Variants in FCRL1 observed in about 807,000 individuals in gnomAD.
The protein encoded by FCRL1 is Fc receptor like 1, also known as Fc receptor-like protein 1.
Under a neutral mutation model 49.2 loss-of-function variants are expected in FCRL1, and 34 were observed. That is an observed-to-expected ratio of 0.69 (90% CI 0.53 to 0.92). The LOEUF (loss-of-function observed/expected upper bound fraction) is 0.92, where lower values mean the gene tolerates loss of function less well. Ranked by LOEUF, FCRL1 falls within the 40% of genes least tolerant of loss-of-function variation. The probability of loss-of-function intolerance (pLI) is 0.00; values close to 1 mark genes in which losing one functional copy is unlikely to be tolerated. For missense variants in FCRL1, 524 were observed against 524.1 expected, an observed-to-expected ratio of 1.00 and a Z score of 0.00; for synonymous variants, 218 against 201.6, an observed-to-expected ratio of 1.08 and a Z score of -0.69.
rs1269404910 is a variant in FCRL1, at chr1:157,801,454, T to C, written c.1003+7A>G. 12 of 1,567,428 alleles carry C rather than the reference T, an allele frequency of 7.7e-6. No homozygotes were observed. The highest frequency in any genetic ancestry group is 1.1e-5 in the Non-Finnish European group (12 of 1,138,222). On this transcript the variant is annotated splice_region_variant and intron_variant, in intron 6 of 10. Coordinates refer to ENST00000368176, the MANE Select transcript of FCRL1 (RefSeq NM_052938.5). ...GTAACAAAATGCCACTCTCTTTAAA[T>C]ACTAACCTATTTTTCTTTTGAGGCC...
intron 1 of FCRL1, among the ~76,000 whole-genome samples, chr1:157,810,904 A>G (rs555762093): frequency 6.6e-6 from 1 of 152,154 alleles, no homozygotes; most frequent in Non-Finnish European, 1.5e-5. Flanking sequence ...CCTCCCAAGT[A>G]GCTGGGACTA....
At chr1:157,796,878 G>A (rs1294134604) in intron 10 of FCRL1, among the ~76,000 whole-genome samples, 1 of 152,288 alleles carries the variant, frequency 6.6e-6, no homozygotes. Flanking sequence ...TCATTCATGT[G>A]TCCATTGCTA....
intron 1 of FCRL1, among the ~76,000 whole-genome samples, chr1:157,808,981 T>TA (rs1385883636): frequency 2.6e-5 from 4 of 152,190 alleles, no homozygotes; most frequent in Non-Finnish European, 5.9e-5. Context: ...TTAAGTTTTG[T>TA]GGTGGTGGTA....
At chr1:157,806,023 A>C (rs1045908363) in intron 2 of FCRL1, among the ~76,000 whole-genome samples, 2 of 152,216 alleles carry the variant, frequency 1.3e-5, no homozygotes, top group African/African-American at 4.8e-5. Flanking sequence ...TACAGCTCAG[A>C]GCTTGTTTCA....
chr1:157,804,064 C>T lies in FCRL1; in HGVS notation c.100G>A (p.Val34Met). 6.2e-7 allele frequency: 1 copy of T among 1,614,216 alleles called. No homozygotes were observed. The highest frequency in any genetic ancestry group is 8.5e-7 in the Non-Finnish European group (1 of 1,180,036). ...AAGGGCATCTTACACGTCAGGGTCA[C>T]TGGGCTCCCCTCTGTGGGATGGGAG... ...SPSHPTEGSP[V>M]TLTCKMPFLQ... The change falls in exon 3 of 11, where the codon GTG becomes ATG. Residue 34 changes from valine (V) to methionine (M), a missense_variant. Val to Met is a conservative substitution (Grantham distance 21). Transcript: ENST00000368176.
chr1:157,813,383 T>C (rs1654599912), intron 1 of FCRL1, among the ~76,000 whole-genome samples: 1 of 152,196 alleles, frequency 6.6e-6, no homozygotes, highest in South Asian at 2.1e-4. Context: ...ACAGGAAATT[T>C]GAAAACATAT....
chr1:157,813,212 GAAAACAT>G (rs1312889283), intron 1 of FCRL1, among the ~76,000 whole-genome samples: 1 of 152,086 alleles, frequency 6.6e-6, no homozygotes, highest in Non-Finnish European at 1.5e-5. Flanking sequence ...GAAAAAGCGA[GAAAACAT>G]GACACCAATA....
chr1:157,797,115 G>C lies in FCRL1; in HGVS notation c.1204C>G (p.His402Asp). ...ESVAAETLGTHMEDKVSLDIY... is the reference protein window; with the variant it reads ...ESVAAETLGTDMEDKVSLDIY... ...GAGACTCTTACCTTGTCCTCCATAT[G>C]TGTCCCCAGGGTTTCTGCTGTGGAG... The change falls in exon 10 of 11, where the codon CAT (histidine) becomes GAT (aspartate). Residue 402 changes from histidine (H) to aspartate (D), a missense_variant. Physicochemically the swap from His to Asp is moderately conservative, Grantham distance 81 (BLOSUM62 -1). Transcript: ENST00000368176. 1 of 1,613,970 alleles carries C rather than the reference G, an allele frequency of 6.2e-7. No homozygotes were observed. Among genetic ancestry groups the C allele is most frequent in the South Asian group, 1.1e-5 (1 of 91,084 alleles).
At chr1:157,799,246 C>T (rs555871385) in intron 7 of FCRL1, among the ~76,000 whole-genome samples, 2 of 152,196 alleles carry the variant, frequency 1.3e-5, no homozygotes, top group South Asian at 2.1e-4. Flanking sequence ...GTGATCTGCC[C>T]GCCTCAGCCT....
chr1:157,801,361 C>G, intron 6 of FCRL1, 100 bp downstream of exon 6: 1 of 790,338 alleles, frequency 1.3e-6, no homozygotes, highest in Non-Finnish European at 2.2e-6. Context: ...AAGGTGTTAA[C>G]AGCATATACA....
intron 9 of FCRL1, among the ~76,000 whole-genome samples, 191 bp from the exon 10 acceptor site, chr1:157,797,323 G>C (rs1386070740): frequency 6.6e-6 from 1 of 152,160 alleles, no homozygotes; most frequent in Non-Finnish European, 1.5e-5. Flanking sequence ...TGGTAGCCTG[G>C]GGGTGGGAGG....
Position 157,819,989 on chromosome 1 carries a change from C to T in FCRL1, c.31+18G>A. 1 of 1,614,024 alleles carries T rather than the reference C, an allele frequency of 6.2e-7. No homozygotes were observed. On this transcript the variant is annotated intron_variant, in intron 1 of 10. Coordinates refer to ENST00000368176, the MANE Select transcript of FCRL1 (RefSeq NM_052938.5). ...GCATGATTGCATCCCATGCCCTGCTCTGAGTTGCCCAACTCACCACAGATC... is the reference window on the plus strand; with the variant it reads ...GCATGATTGCATCCCATGCCCTGCTTTGAGTTGCCCAACTCACCACAGATC...
At chr1:157,798,285 C>T in intron 7 of FCRL1, 42 bp from the exon 8 acceptor site, 1 of 1,485,880 alleles carries the variant, frequency 6.7e-7, no homozygotes, top group Non-Finnish European at 9.3e-7. Context: ...GAAATTGCAT[C>T]CCAGATCATG....
chr1:157,811,062 G>A (rs1318422732), intron 1 of FCRL1, among the ~76,000 whole-genome samples: 1 of 152,162 alleles, frequency 6.6e-6, no homozygotes, highest in African/African-American at 2.4e-5. Context: ...ATTATAGCAT[G>A]AGCCACCACA....
At chr1:157,800,021 C>G (rs557396486) in intron 7 of FCRL1, 37 bp downstream of exon 7, 1 of 1,574,600 alleles carries the variant, frequency 6.4e-7, no homozygotes, top group Non-Finnish European at 8.6e-7. Flanking sequence ...ATAGATTTTT[C>G]TGCATTATTG....
At chr1:157,819,459 C>T (rs1409730104) in intron 1 of FCRL1, among the ~76,000 whole-genome samples, 2 of 151,904 alleles carry the variant, frequency 1.3e-5, no homozygotes, top group Non-Finnish European at 2.9e-5. Context: ...GAAGTGAGCA[C>T]ATGAAGTGTA....
rs1177282997 is a variant in FCRL1 at position 157,795,561 on chromosome 1, C to T, written c.*538G>A. The T allele has an allele frequency of 1.3e-5, 2 of 152,374 alleles. No homozygotes were observed. The highest frequency in any genetic ancestry group is 6.5e-5 in the Admixed American group (1 of 15,320). 9.4% of individuals were successfully genotyped at this position (152,374 alleles called of 1,614,324 possible). A position where few individuals can be genotyped will look rare whatever the true frequency, so the allele number is the denominator to read the frequency against. ...GGAGTCACAATAACTTTTTATGTAA[C>T]TTTGTTTTAGTTCTAATTTGGTAAC... On this transcript the variant is annotated 3_prime_UTR_variant, in exon 11 of 11. Transcript: ENST00000368176.
At chr1:157,807,579 C>T (rs1382284042) in intron 1 of FCRL1, among the ~76,000 whole-genome samples, 1 of 152,170 alleles carries the variant, frequency 6.6e-6, no homozygotes, top group African/African-American at 2.4e-5. Flanking sequence ...CTCAAGGGAA[C>T]AACAGAGTCA....
At chr1:157,816,259 A>G (rs868086516) in intron 1 of FCRL1, among the ~76,000 whole-genome samples, 60 of 152,008 alleles carry the variant, frequency 3.9e-4, no homozygotes, top group African/African-American at 1.3e-3. Context: ...ACCATGATCA[A>G]TGGGATTCAT....
Sources: gnomAD v4.1 joint callset for allele counts (sites outside exome capture counted in the v4.1 genomes callset) on GRCh38, gnomAD v4.1.1 for gene constraint, MANE v1.5 for transcripts, NCBI Gene and HGNC (gene_info 2026-07-23, HGNC 2026-07-21) for gene names.